MYO3B: variants seen among roughly 807,000 people sequenced by gnomAD.
The protein encoded by MYO3B is myosin IIIB, also known as myosin-IIIb.
Under a neutral mutation model 174.6 loss-of-function variants are expected in MYO3B, and 156 were observed. That is an observed-to-expected ratio of 0.89 (90% CI 0.78 to 1.02). The LOEUF is 1.02. MYO3B is among the 50% of genes least tolerant of loss of function. The pLI, the probability that MYO3B is intolerant of heterozygous loss-of-function variation, is 0.00. For missense variants in MYO3B, 1,632 were observed against 1,639.4 expected (o/e 1.00, Z 0.08); for synonymous variants, 563 against 569.1 (o/e 0.99, Z 0.15).
chr2:170,298,668 G>A (rs1027289059), intron 7 of MYO3B, among the ~76,000 whole-genome samples: 5 of 125,526 alleles, frequency 4.0e-5, no homozygotes, highest in Non-Finnish European at 8.0e-5. Flanking sequence ...GACAGAGCAA[G>A]ACTCTGTCTC....
chr2:170,222,108 C>T (rs1027138699), intron 6 of MYO3B, among the ~76,000 whole-genome samples: 6 of 152,204 alleles, frequency 3.9e-5, no homozygotes, highest in East Asian at 1.9e-4. Context: ...TGAAAACTTC[C>T]GATTTTTAAA....
chr2:170,182,617 T>C (rs574277216), intron 1 of MYO3B, among the ~76,000 whole-genome samples: 1 of 150,098 alleles, frequency 6.7e-6, no homozygotes, highest in South Asian at 2.1e-4. Context: ...TCTGTTTCTT[T>C]TTTTTTTTTT....
chr2:170,188,072 T>A (rs2092489581), intron 1 of MYO3B, among the ~76,000 whole-genome samples: 1 of 152,160 alleles, frequency 6.6e-6, no homozygotes, highest in African/African-American at 2.4e-5. Context: ...GGTGTTGAAG[T>A]CTCTAGCTAT....
intron 32 of MYO3B, among the ~76,000 whole-genome samples, chr2:170,566,212 G>A (rs184241196): frequency 0.014 from 2,160 of 152,220 alleles, 53 homozygotes; most frequent in East Asian, 0.088. Flanking sequence ...ATGTAAGAAA[G>A]CATCTAAAAT....
chr2:170,383,504 G>A (rs891389807), intron 11 of MYO3B, among the ~76,000 whole-genome samples: 8 of 152,176 alleles, frequency 5.3e-5, no homozygotes, highest in Non-Finnish European at 1.0e-4. Context: ...TTAGCATAGA[G>A]TGAACTCCCT....
In MYO3B at chr2:170,581,909, A is replaced by G. The variant is rs928806413; in HGVS notation, c.3733+37921A>G. Among the ~76,000 whole-genome samples, 19 of 152,232 alleles carry G rather than the reference A, an allele frequency of 1.2e-4. 1 individual carries two copies. Among genetic ancestry groups the G allele is most frequent in the Admixed American group, 1.0e-3 (16 of 15,284 alleles). On this transcript the variant is annotated intron_variant, in intron 32 of 34. Coordinates refer to ENST00000408978, the MANE Select transcript of MYO3B (RefSeq NM_138995.5). ...TTACCAAAGCTATAAAAAATGTGCA[A>G]TGGAAAGGAGACAAAAGATGTGTGT...
chr2:170,559,501 G>C (rs908985139), intron 32 of MYO3B, among the ~76,000 whole-genome samples: 1 of 152,252 alleles, frequency 6.6e-6, no homozygotes, highest in Admixed American at 6.5e-5. Flanking sequence ...ATGCCTGGGG[G>C]ATTATTGGCA....
intron 32 of MYO3B, among the ~76,000 whole-genome samples, chr2:170,582,375 A>C (rs932318395): frequency 6.6e-6 from 1 of 152,208 alleles, no homozygotes; most frequent in Non-Finnish European, 1.5e-5. Context: ...GTCAAGCTTT[A>C]GGGAAGCAGC....
intron 19 of MYO3B, among the ~76,000 whole-genome samples, chr2:170,403,996 A>T (rs911470476): frequency 6.6e-6 from 1 of 152,200 alleles, no homozygotes; most frequent in East Asian, 1.9e-4. Flanking sequence ...CTAAATGATA[A>T]GTTACCAAGT....
chr2:170,245,049 C>T (rs1472094522), intron 7 of MYO3B, among the ~76,000 whole-genome samples: 2 of 152,118 alleles, frequency 1.3e-5, no homozygotes, highest in African/African-American at 2.4e-5. Context: ...TTGGTATGAA[C>T]ACACTGACTG....
rs147634999 is a variant in MYO3B at position 170,370,883 on chromosome 2, G to GCTCT, written c.971+1521_971+1524dup. 1.0e-3 allele frequency among the ~76,000 whole-genome samples: 154 copies of GCTCT among 149,796 alleles called. 1 individual carries two copies. The highest frequency in any genetic ancestry group is 3.7e-3 in the African/African-American group (150 of 40,830). On this transcript the variant is annotated intron_variant, in intron 9 of 34. Transcript: ENST00000408978. Reference sequence around the variant, plus strand: ...CCTGACTTTGCCTGTCCAGATCTATGCTCTCTCTCTCTCTCTCTTTTTTTT... The same window carrying GCTCT: ...CCTGACTTTGCCTGTCCAGATCTATGCTCTCTCTCTCTCTCTCTCTCTTTTTTTT...
At chr2:170,335,227 G>T (rs1383998541) in intron 7 of MYO3B, among the ~76,000 whole-genome samples, 158 bp from the exon 8 acceptor site, 1 of 152,092 alleles carries the variant, frequency 6.6e-6, no homozygotes, top group Non-Finnish European at 1.5e-5. Context: ...CAGGAATAAG[G>T]GTTGGCACTT....
chr2:170,573,789 A>G (rs2106284590), intron 32 of MYO3B, among the ~76,000 whole-genome samples: 1 of 152,322 alleles, frequency 6.6e-6, no homozygotes, highest in South Asian at 2.1e-4. Flanking sequence ...AATAGGACAT[A>G]TAAGTGATCC....
Position 170,505,185 on chromosome 2 carries a change from G to C in MYO3B, c.3370+3320G>C, listed in dbSNP as rs535645122. Among the ~76,000 whole-genome samples, 7 of 152,028 alleles carry C rather than the reference G, an allele frequency of 4.6e-5. No homozygotes were observed. In the East Asian group the frequency reaches 1.2e-3, roughly 25 times the overall value. On this transcript the variant is annotated intron_variant, in intron 28 of 34. Transcript: ENST00000408978. Reference sequence around the variant, plus strand: ...ATAAAGGGCCTTTATGAGATGTAGGGGGGAGAGGGGAGAGGGGAGAGGAAG... The same window carrying C: ...ATAAAGGGCCTTTATGAGATGTAGGCGGGAGAGGGGAGAGGGGAGAGGAAG...
intron 32 of MYO3B, among the ~76,000 whole-genome samples, chr2:170,618,320 G>A (rs376865901): frequency 1.4e-4 from 21 of 152,174 alleles, no homozygotes; most frequent in African/African-American, 2.7e-4. Context: ...AGTCTGTGGC[G>A]TAACAGAGGT....
chr2:170,523,688 A>C (rs1299340449), intron 30 of MYO3B, among the ~76,000 whole-genome samples: 1 of 152,216 alleles, frequency 6.6e-6, no homozygotes, highest in Non-Finnish European at 1.5e-5. Context: ...CATGTCAGTC[A>C]TGCCCCCACT....
intron 7 of MYO3B, among the ~76,000 whole-genome samples, chr2:170,290,479 C>T (rs2093588673): frequency 2.0e-5 from 3 of 152,058 alleles, no homozygotes; most frequent in Non-Finnish European, 2.9e-5. Flanking sequence ...TCTATTTTAT[C>T]TGAAATAAGT....
chr2:170,392,717 G>A (rs374506593), intron 16 of MYO3B, among the ~76,000 whole-genome samples: 53 of 152,178 alleles, frequency 3.5e-4, no homozygotes, highest in African/African-American at 1.3e-3. Context: ...AAGAATGACT[G>A]CATCAGAATA....
At chr2:170,221,827 G>A (rs149124704) in intron 6 of MYO3B, among the ~76,000 whole-genome samples, 21 of 152,096 alleles carry the variant, frequency 1.4e-4, no homozygotes, top group Non-Finnish European at 2.2e-4. Context: ...TCAGCCTCCC[G>A]AGTAGCTGGG....
Sources: gnomAD v4.1 joint callset for allele counts (sites outside exome capture counted in the v4.1 genomes callset) on GRCh38, gnomAD v4.1.1 for gene constraint, MANE v1.5 for transcripts, NCBI Gene and HGNC (gene_info 2026-07-23, HGNC 2026-07-21) for gene names.